Variants in NOSTRIN observed in about 807,000 individuals in gnomAD.
The protein encoded by NOSTRIN is nitric oxide synthase trafficking.
In NOSTRIN, 63 loss-of-function variants were observed where a neutral mutation model predicts 59.0. The ratio of observed to expected loss-of-function variants is 1.07; its 90% CI spans 0.87 to 1.32. The LOEUF is 1.32. NOSTRIN is among the 40% of genes most tolerant of loss of function. The pLI is 0.00. For synonymous variants in NOSTRIN, 200 were observed against 165.4 expected, an observed-to-expected ratio of 1.21 and a Z score of -1.61; for missense variants, 512 against 473.1, an observed-to-expected ratio of 1.08 and a Z score of -0.76.
upstream of NOSTRIN, among the ~76,000 whole-genome samples, chr2:168,796,837 A>C (rs1053192141): frequency 2.0e-5 from 3 of 152,078 alleles, no homozygotes; most frequent in Non-Finnish European, 4.4e-5. Flanking sequence ...CAGTGTTTTG[A>C]ACTCTGCTTC....
intron 5 of NOSTRIN, among the ~76,000 whole-genome samples, chr2:168,831,150 A>T (rs889979761): frequency 3.9e-5 from 6 of 152,212 alleles, no homozygotes; most frequent in African/African-American, 1.4e-4. Flanking sequence ...GAGGCTGGGA[A>T]GTCCAAGAGC....
intron 1 of NOSTRIN, 82 bp downstream of exon 1, chr2:168,802,755 G>C: frequency 1.2e-6 from 1 of 828,040 alleles, no homozygotes; most frequent in South Asian, 1.4e-5. Context: ...TTTAACTTAA[G>C]AAATTTGAGA....
At chr2:168,863,607 T>C (rs1210685849) in intron 15 of NOSTRIN, 2 of 985,124 alleles carry the variant, frequency 2.0e-6, no homozygotes, top group African/African-American at 3.5e-5. Flanking sequence ...TGTATTAAAG[T>C]TGTCTAAGTT....
intron 14 of NOSTRIN, 130 bp from the exon 15 acceptor site, chr2:168,861,830 C>T (rs1236158225): frequency 2.6e-6 from 2 of 771,016 alleles, no homozygotes; most frequent in African/African-American, 1.8e-5. Flanking sequence ...TATAAAATTA[C>T]AAACTTTCCT....
intron 8 of NOSTRIN, among the ~76,000 whole-genome samples, chr2:168,844,393 T>TA (rs10636938): frequency 0.32 from 49,065 of 151,042 alleles, 8,864 homozygotes; most frequent in East Asian, 0.58. Flanking sequence ...GTTTTAAGTT[T>TA]AAAAAAAAAA....
At chr2:168,818,955 A>G (rs1453530639) in intron 2 of NOSTRIN, among the ~76,000 whole-genome samples, 1 of 151,060 alleles carries the variant, frequency 6.6e-6, no homozygotes, top group African/African-American at 2.4e-5. Context: ...CTATCAAAAT[A>G]TATATGCATC....
chr2:168,853,755 G>A (rs1159164585), intron 10 of NOSTRIN, among the ~76,000 whole-genome samples: 1 of 152,214 alleles, frequency 6.6e-6, no homozygotes, highest in Non-Finnish European at 1.5e-5. Flanking sequence ...ATGTGAAGGA[G>A]TGGTAGAGCA....
chr2:168,823,682 T>C (rs894959734), intron 2 of NOSTRIN, among the ~76,000 whole-genome samples: 1 of 152,226 alleles, frequency 6.6e-6, no homozygotes, highest in Admixed American at 6.5e-5. Flanking sequence ...CCTATTCCCA[T>C]ATGAGGTCAC....
intron 3 of NOSTRIN, 39 bp downstream of exon 3, chr2:168,824,756 T>C (rs778541027): frequency 2.4e-6 from 2 of 843,500 alleles, no homozygotes; most frequent in East Asian, 5.1e-5. Flanking sequence ...ATCAACCCTT[T>C]TTTTATTTGT....
chr2:168,801,700 A>G (rs1685618532), upstream of NOSTRIN, among the ~76,000 whole-genome samples: 1 of 152,208 alleles, frequency 6.6e-6, no homozygotes, highest in Non-Finnish European at 1.5e-5. Context: ...AGAACTGTCC[A>G]CAGTCTAGCA....
At chr2:168,807,393 C>G (rs1433601287) in intron 1 of NOSTRIN, among the ~76,000 whole-genome samples, 3 of 152,142 alleles carry the variant, frequency 2.0e-5, no homozygotes. Flanking sequence ...ATGAAAAGTA[C>G]AGAATGATTG....
At chr2:168,801,393 A>C (rs1430216480), upstream of NOSTRIN, among the ~76,000 whole-genome samples, 2 of 151,490 alleles carry the variant, frequency 1.3e-5, no homozygotes, top group East Asian at 3.9e-4. Flanking sequence ...AATTAAAAAA[A>C]AAAAATTATA....
chr2:168,822,118 C>T (rs548661832), intron 2 of NOSTRIN, among the ~76,000 whole-genome samples: 60 of 152,320 alleles, frequency 3.9e-4, no homozygotes, highest in Non-Finnish European at 7.6e-4. Context: ...TTTCTCTCCT[C>T]TCCATCAACT....
chr2:168,786,695 T>A (rs1559094541), intron 1 of NOSTRIN: 1 of 152,144 alleles, frequency 6.6e-6, no homozygotes, highest in Non-Finnish European at 1.5e-5. Context: ...ATCCCTCAAG[T>A]GGCCAGCTTG....
intron 6 of NOSTRIN, among the ~76,000 whole-genome samples, chr2:168,833,031 T>C (rs994849270): frequency 6.6e-6 from 1 of 152,196 alleles, no homozygotes; most frequent in Non-Finnish European, 1.5e-5. Flanking sequence ...CTGCAATTGC[T>C]CCCAAGAAAA....
intron 6 of NOSTRIN, among the ~76,000 whole-genome samples, chr2:168,833,966 T>G (rs556824774): frequency 6.6e-6 from 1 of 152,316 alleles, no homozygotes; most frequent in South Asian, 2.1e-4. Flanking sequence ...AAAATCCTCT[T>G]GAGGGTACCC....
At chr2:168,823,078 G>A (rs965759271) in intron 2 of NOSTRIN, among the ~76,000 whole-genome samples, 9 of 152,124 alleles carry the variant, frequency 5.9e-5, no homozygotes, top group South Asian at 2.1e-4. Flanking sequence ...GTGCAGTGGC[G>A]CAATCTTGGC....
intron 12 of NOSTRIN, among the ~76,000 whole-genome samples, chr2:168,857,015 C>T (rs559979531): frequency 6.6e-6 from 1 of 152,258 alleles, no homozygotes; most frequent in African/African-American, 2.4e-5. Flanking sequence ...AAATAGTATT[C>T]TCCAAACAGA....
intron 3 of NOSTRIN, 52 bp downstream of exon 3, chr2:168,824,769 T>G: frequency 1.6e-6 from 1 of 630,080 alleles, no homozygotes; most frequent in Non-Finnish European, 2.7e-6. Context: ...TTATTTGTTT[T>G]TTGTTTGTTT....
Sources: allele counts gnomAD v4.1 joint callset (sites outside exome capture counted in the v4.1 genomes callset), GRCh38; gene constraint gnomAD v4.1.1; transcripts MANE v1.5; gene names NCBI Gene and HGNC (gene_info 2026-07-23, HGNC 2026-07-21).